The following AK2 variants were observed in gnomAD, a reference collection of about 807,000 sequenced individuals.
AK2 encodes adenylate kinase 2.
A neutral mutation model predicts 24.6 loss-of-function variants in AK2; 15 were observed. The ratio of observed to expected loss-of-function variants is 0.61; its 90% CI spans 0.41 to 0.94. The LOEUF is 0.94. AK2 is among the 40% of genes least tolerant of loss of function. The pLI, the probability that AK2 is intolerant of heterozygous loss-of-function variation, is 0.00. For missense variants in AK2, 257 were observed against 304.1 expected (o/e 0.85, Z 1.15); for synonymous variants, 102 against 114.0 (o/e 0.90, Z 0.67).
chr1:33,011,121 T>C lies in AK2; in HGVS notation c.*2060A>G, dbSNP rs995904100. ...TGTTGTATGCACACGTGAATCTATG[T>C]GGACGGATGACAAATATTTGGGCAA... is the stretch of plus-strand genomic sequence containing the variant. On this transcript the variant is annotated 3_prime_UTR_variant, in exon 6 of 6. Coordinates refer to ENST00000672715, the MANE Select transcript of AK2 (RefSeq NM_001625.4). The C allele has an allele frequency of 7.1e-7, 1 of 1,413,070 alleles. No homozygotes were observed. The highest frequency in any genetic ancestry group is 1.4e-5 in the African/African-American group (1 of 69,352). The allele number at this position is 1,413,070 out of a possible 1,614,324, so 87.5% of individuals were successfully genotyped here. A position where few individuals can be genotyped will look rare whatever the true frequency, so the allele number is the denominator to read the frequency against.
Position 33,011,921 on chromosome 1 carries a change from A to C in AK2, c.*1260T>G. 6.5e-7 allele frequency: 1 copy of C among 1,532,942 alleles called. No homozygotes were observed. Among genetic ancestry groups the C allele is most frequent in the Non-Finnish European group, 8.7e-7 (1 of 1,145,998 alleles). The allele number at this position is 1,532,942 out of a possible 1,614,324, so 95.0% of individuals were successfully genotyped here. On this transcript the variant is annotated 3_prime_UTR_variant, in exon 6 of 6. Transcript: ENST00000672715. ...TCTAGAAAGGAGAGGGTTTGGGCTTAAAAAGAACATATCTGATTTCAGTTT... is the reference window on the plus strand; with the variant it reads ...TCTAGAAAGGAGAGGGTTTGGGCTTCAAAAGAACATATCTGATTTCAGTTT...
intron 2 of AK2, among the ~76,000 whole-genome samples, chr1:33,023,125 A>G (rs188254328): frequency 8.5e-4 from 129 of 152,336 alleles, no homozygotes; most frequent in Admixed American, 5.2e-3. Context: ...AAAAGACCAG[A>G]AGACCAAGCA....
At chr1:33,036,615 G>A in intron 1 of AK2, 121 bp downstream of exon 1, 2 of 914,428 alleles carry the variant, frequency 2.2e-6, no homozygotes, top group Non-Finnish European at 3.5e-6. Flanking sequence ...ACCCCGGCCA[G>A]CGTTCCCCGC....
Position 33,012,533 on chromosome 1 carries a change from G to T in AK2, c.*648C>A, listed in dbSNP as rs1557609487. ...AGAAATACTATGAGGTTCTGGAATTGCGGTCCCTGGAAGATTACCTGGGTT... is the reference window on the plus strand; with the variant it reads ...AGAAATACTATGAGGTTCTGGAATTTCGGTCCCTGGAAGATTACCTGGGTT... On this transcript the variant is annotated 3_prime_UTR_variant, in exon 6 of 6. Coordinates refer to ENST00000672715, the MANE Select transcript of AK2 (RefSeq NM_001625.4). 1 of 1,324,914 alleles carries T rather than the reference G, an allele frequency of 7.5e-7. No homozygotes were observed. The allele number at this position is 1,324,914 out of a possible 1,614,324, so 82.1% of individuals were successfully genotyped here.
intron 1 of AK2, among the ~76,000 whole-genome samples, chr1:33,032,656 A>T (rs1401284104): frequency 6.6e-6 from 1 of 152,218 alleles, no homozygotes; most frequent in Non-Finnish European, 1.5e-5. Flanking sequence ...AGAGACAAGG[A>T]AATACCATGT....
chr1:33,032,442 AAG>A (rs1455862725), intron 1 of AK2: 1 of 152,240 alleles, frequency 6.6e-6, no homozygotes, highest in Non-Finnish European at 1.5e-5. Flanking sequence ...AAAGCTGACA[AAG>A]AGAATAAATC....
At chr1:33,015,065 T>C (rs1039493291) in intron 4 of AK2, among the ~76,000 whole-genome samples, 2 of 152,212 alleles carry the variant, frequency 1.3e-5, no homozygotes, top group African/African-American at 4.8e-5. Flanking sequence ...AACAGAGATT[T>C]GTACAAAGTG....
At position 33,011,252 on chromosome 1, in the gene AK2, C is replaced by T. The variant is rs1408358408; in HGVS notation, c.*1929G>A. On this transcript the variant is annotated 3_prime_UTR_variant, in exon 6 of 6. Coordinates refer to ENST00000672715, the MANE Select transcript of AK2 (RefSeq NM_001625.4). ...GGAGCTGATTCTAAGATTCATGATG[C>T]CACTGTCACCCAGAGAAGGATCCCA... 2.3e-6 allele frequency: 3 copies of T among 1,298,118 alleles called. No homozygotes were observed. The South Asian group carries it at 3.7e-5, about 16-fold the overall frequency. 80.4% of individuals were successfully genotyped at this position (1,298,118 alleles called of 1,614,324 possible).
intron 1 of AK2, chr1:33,031,777 T>C (rs1267439005): frequency 4.7e-6 from 2 of 428,652 alleles, no homozygotes; most frequent in Non-Finnish European, 9.5e-6. Flanking sequence ...CTCGAAGAAT[T>C]GGGCATAAGT....
At chr1:33,031,619 A>G (rs539840633) in intron 1 of AK2, 29 of 456,084 alleles carry the variant, frequency 6.4e-5, no homozygotes, top group African/African-American at 4.2e-4. Context: ...ATTACTTGCT[A>G]TGTAGCCTAG....
Position 33,008,933 on chromosome 1 carries a change from T to C in AK2, c.*4248A>G, listed in dbSNP as rs192894426. 5 of 454,098 alleles carry C rather than the reference T, an allele frequency of 1.1e-5. No individual in the cohort carries two copies. The highest frequency in any genetic ancestry group is 4.0e-5 in the African/African-American group (2 of 50,112). 28.1% of individuals were successfully genotyped at this position (454,098 alleles called of 1,614,324 possible). On this transcript the variant is annotated 3_prime_UTR_variant, in exon 6 of 6. Transcript: ENST00000672715. ...CAACTACACCATGCTGCTTTGCAGG[T>C]TGGTTTGACAAACATTTCCCCACAA...
intron 5 of AK2, among the ~76,000 whole-genome samples, chr1:33,013,882 A>G (rs1287194331): frequency 1.3e-5 from 2 of 152,224 alleles, no homozygotes; most frequent in Non-Finnish European, 2.9e-5. Context: ...AAGAACTTTC[A>G]ATGGTAGAAT....
At chr1:33,034,662 T>C (rs1390775207) in intron 1 of AK2, among the ~76,000 whole-genome samples, 3 of 152,174 alleles carry the variant, frequency 2.0e-5, no homozygotes, top group Non-Finnish European at 2.9e-5. Flanking sequence ...GGAAGTTACA[T>C]AGCTAGCTAA....
chr1:33,013,651 T>G (rs1638992460), intron 5 of AK2, among the ~76,000 whole-genome samples: 1 of 152,142 alleles, frequency 6.6e-6, no homozygotes, highest in Non-Finnish European at 1.5e-5. Flanking sequence ...AAGGGGCTCA[T>G]GAGGGGAAGA....
chr1:33,034,086 G>T (rs1640419910), intron 1 of AK2, among the ~76,000 whole-genome samples: 1 of 152,014 alleles, frequency 6.6e-6, no homozygotes, highest in Non-Finnish European at 1.5e-5. Flanking sequence ...TGTTGCCCAG[G>T]CTTGAACTTT....
chr1:33,028,278 C>T (rs766633386), intron 1 of AK2, among the ~76,000 whole-genome samples: 5 of 151,996 alleles, frequency 3.3e-5, no homozygotes, highest in Admixed American at 1.3e-4. Flanking sequence ...CCGAAGCAGG[C>T]GGATCATCTG....
intron 4 of AK2, among the ~76,000 whole-genome samples, chr1:33,016,851 G>A (rs1304290365): frequency 6.6e-6 from 1 of 151,742 alleles, no homozygotes; most frequent in African/African-American, 2.4e-5. Context: ...GATTACAGAT[G>A]CCTGCCACCA....
At position 33,010,620 on chromosome 1, in the gene AK2, CTTACACT is replaced by C. The variant is rs1319028166; in HGVS notation, c.*2554_*2560del. The stretch of plus-strand genomic sequence containing the variant: ...TGTTTTTTAAAAAATTAATTTTTCC[CTTACACT>C]TTAAAAACTCTCACCTATGTATAAA... On this transcript the variant is annotated 3_prime_UTR_variant, in exon 6 of 6. Transcript: ENST00000672715. 7.2e-7 allele frequency: 1 copy of C among 1,388,424 alleles called. No individual in the cohort carries two copies. Among genetic ancestry groups the C allele is most frequent in the African/African-American group, 1.4e-5 (1 of 69,718 alleles). The allele number at this position is 1,388,424 out of a possible 1,614,324, so 86.0% of individuals were successfully genotyped here.
chr1:33,015,653 G>A (rs1368721128), intron 4 of AK2, among the ~76,000 whole-genome samples: 1 of 152,226 alleles, frequency 6.6e-6, no homozygotes, highest in African/African-American at 2.4e-5. Context: ...CACTTTGGGA[G>A]GCTGAGGGGG....
Sources: gnomAD v4.1 joint callset for allele counts (sites outside exome capture counted in the v4.1 genomes callset) on GRCh38, gnomAD v4.1.1 for gene constraint, MANE v1.5 for transcripts, NCBI Gene and HGNC (gene_info 2026-07-23, HGNC 2026-07-21) for gene names.